Variants in ABCA4 observed in about 807,000 individuals in gnomAD.
ABCA4 encodes ATP binding cassette subfamily A member 4.
Under a neutral mutation model 263.7 loss-of-function variants are expected in ABCA4, and 196 were observed. The observed-to-expected ratio is 0.74, with a 90% confidence interval of 0.66 to 0.84. ABCA4 has a LOEUF of 0.84. ABCA4 is among the 40% of genes least tolerant of loss of function. ABCA4 has a pLI of 0.00. For synonymous variants in ABCA4, 1,133 were observed against 1,094.2 expected (o/e 1.04, Z -0.70); for missense variants, 2,792 against 2,855.1 (o/e 0.98, Z 0.50).
At chr1:94,103,466 C>T (rs999229237) in intron 4 of ABCA4, among the ~76,000 whole-genome samples, 10 of 152,212 alleles carry the variant, frequency 6.6e-5, no homozygotes, top group African/African-American at 1.9e-4. Context: ...AGGGGAATTT[C>T]ATCCTCCTGG....
intron 20 of ABCA4, among the ~76,000 whole-genome samples, chr1:94,044,368 A>G (rs1018690141): frequency 6.6e-6 from 1 of 152,192 alleles, no homozygotes; most frequent in African/African-American, 2.4e-5. Flanking sequence ...GTCAGAGCGA[A>G]GGCAGCCTCA....
At position 94,014,797 on chromosome 1, in the gene ABCA4, A is replaced by G. The variant is rs1051242679; in HGVS notation, c.5313-107T>C. On this transcript the variant is annotated intron_variant, in intron 37 of 49. Coordinates refer to ENST00000370225, the MANE Select transcript of ABCA4 (RefSeq NM_000350.3). ...CTTACACCTGAGGTGATGTGTGTGA[A>G]CTGGCCAGAGTCCCAGGGGACCAGA... 9.0e-6 allele frequency: 13 copies of G among 1,442,200 alleles called. No homozygotes were observed. In the Admixed American group the frequency reaches 1.2e-4, roughly 13 times the overall value. 89.3% of individuals were successfully genotyped at this position (1,442,200 alleles called of 1,614,324 possible). A position where few individuals can be genotyped will look rare whatever the true frequency, so the allele number is the denominator to read the frequency against.
chr1:94,036,506 A>G (rs936398574), intron 26 of ABCA4, among the ~76,000 whole-genome samples: 1 of 151,622 alleles, frequency 6.6e-6, no homozygotes, highest in Non-Finnish European at 1.5e-5. Context: ...CCTCCCGAGT[A>G]GCTGGAATTA....
At chr1:94,069,089 C>T (rs1445039316) in intron 11 of ABCA4, among the ~76,000 whole-genome samples, 1 of 152,172 alleles carries the variant, frequency 6.6e-6, no homozygotes, top group Non-Finnish European at 1.5e-5. Flanking sequence ...TTCACCCTGG[C>T]GGAAGAGGTT....
At chr1:94,044,089 C>CCTCG (rs1660601443) in intron 20 of ABCA4, among the ~76,000 whole-genome samples, 1 of 30,118 alleles carries the variant, frequency 3.3e-5, no homozygotes, top group African/African-American at 6.0e-5. Context: ...TCCCTCCCTC[C>CCTCG]CTTCTTTCCT....
At chr1:94,030,300 C>A in intron 29 of ABCA4, 128 bp downstream of exon 29, 1 of 815,830 alleles carries the variant, frequency 1.2e-6, no homozygotes, top group South Asian at 1.4e-5. Flanking sequence ...GAGTGCTGGT[C>A]AGAGACATGG....
At chr1:94,093,572 G>A (rs1434646679) in intron 6 of ABCA4, among the ~76,000 whole-genome samples, 1 of 152,212 alleles carries the variant, frequency 6.6e-6, no homozygotes, top group African/African-American at 2.4e-5. Context: ...ATCCTCAATG[G>A]CAGCCTTCCC....
Position 93,998,905 on chromosome 1 carries a change from A to ATT in ABCA4, c.6480-797_6480-796dup, listed in dbSNP as rs11370620. On this transcript the variant is annotated intron_variant, in intron 47 of 49. Transcript: ENST00000370225. ...AGGCACCTGCCACCACACTCGGCTAATTTTTTTTTTTTTTTTTGTATTTTT... is the reference window on the plus strand; with the variant it reads ...AGGCACCTGCCACCACACTCGGCTAATTTTTTTTTTTTTTTTTTTGTATTTTT... Among the ~76,000 whole-genome samples, 194 of 135,790 alleles carry ATT rather than the reference A, an allele frequency of 1.4e-3. 1 individual carries two copies. Among genetic ancestry groups the ATT allele is most frequent in the African/African-American group, 3.0e-3 (109 of 36,816 alleles). The allele number at this position is 135,790 out of a possible 152,430, so 89.1% of individuals were successfully genotyped here.
rs780240613 is a variant in ABCA4, at chr1:94,077,771, A to G, written c.1473T>C (p.Ala491=). 3 of 1,614,224 alleles carry G rather than the reference A, an allele frequency of 1.9e-6. No homozygotes were observed. The highest frequency in any genetic ancestry group is 2.5e-6 in the Non-Finnish European group (3 of 1,180,048). Residue 491 remains alanine (A), a synonymous_variant, in exon 11 of 50, where the codon GCT becomes GCC. Transcript: ENST00000370225. The part of the protein sequence containing the change: ...FLYKGPRESQ[A]DDMANFDWRD... ...TCCAGTCGAAGTTGGCCATGTCGTCAGCCTGGCTTTCCCGAGGGCCCTTGT... is the reference window on the plus strand; with the variant it reads ...TCCAGTCGAAGTTGGCCATGTCGTCGGCCTGGCTTTCCCGAGGGCCCTTGT...
At chr1:94,092,721 A>G (rs1662002059) in intron 6 of ABCA4, among the ~76,000 whole-genome samples, 3 of 152,272 alleles carry the variant, frequency 2.0e-5, no homozygotes, top group Admixed American at 6.5e-5. Flanking sequence ...TGTCCGTCCC[A>G]GTATCTGTGG....
At chr1:94,003,703 A>T (rs1002600370) in intron 44 of ABCA4, among the ~76,000 whole-genome samples, 1 of 152,136 alleles carries the variant, frequency 6.6e-6, no homozygotes, top group Non-Finnish European at 1.5e-5. Flanking sequence ...GCTTGATCAC[A>T]GCTCACTGCA....
rs1291006472 is a variant in ABCA4 at position 94,001,087 on chromosome 1, T to A, written c.6301A>T (p.Met2101Leu). ...AGCATGCGGCGTGCCTGGGGGTCCA[T>A]CCCTGTGGTGGGCTCATCCTGGGGG... ...LVLLDEPTTG[M>L]DPQARRMLWN... is the part of the protein sequence containing the mutation. Residue 2101 changes from methionine (M) to leucine (L), a missense_variant, in exon 46 of 50, where the codon ATG becomes TTG. Transcript: ENST00000370225. The A allele has an allele frequency of 1.9e-5, 30 of 1,613,826 alleles. No homozygotes were observed. Among genetic ancestry groups the A allele is most frequent in the Non-Finnish European group, 2.5e-5 (29 of 1,180,006 alleles).
At chr1:94,021,114 T>C in intron 35 of ABCA4, 126 bp downstream of exon 35, 1 of 1,342,740 alleles carries the variant, frequency 7.4e-7, no homozygotes, top group Non-Finnish European at 1.1e-6. Flanking sequence ...CGGATGTTCA[T>C]ATGTGCCTGA....
Position 94,079,465 on chromosome 1 carries a change from C to T in ABCA4, c.1100-4G>A. On this transcript the variant is annotated splice_region_variant and splice_polypyrimidine_tract_variant and intron_variant, in intron 8 of 49. Coordinates refer to ENST00000370225, the MANE Select transcript of ABCA4 (RefSeq NM_000350.3). ...ATCAATGCATTACAAAAGGATGCTG[C>T]CAGGAGACAAGGGACAGATTTTACA... is the stretch of plus-strand genomic sequence containing the variant. 6.2e-7 allele frequency: 1 copy of T among 1,614,180 alleles called. No individual in the cohort carries two copies. The highest frequency in any genetic ancestry group is 8.5e-7 in the Non-Finnish European group (1 of 1,180,014).
At chr1:94,080,777 G>T (rs925588838) in intron 7 of ABCA4, 59 bp from the exon 8 acceptor site, 22 of 1,609,260 alleles carry the variant, frequency 1.4e-5, no homozygotes, top group Non-Finnish European at 1.8e-5. Context: ...AATCTGCTGT[G>T]AGGCCAATGC....
chr1:94,031,174 G>T (rs1028650872), intron 27 of ABCA4, 54 bp from the exon 28 acceptor site: 2 of 1,606,650 alleles, frequency 1.2e-6, no homozygotes, highest in East Asian at 2.2e-5. Flanking sequence ...GATGTCACAC[G>T]TGCGCGTGCA....
chr1:93,992,980 C>G lies in ABCA4; in HGVS notation c.*257G>C. 1.8e-6 allele frequency: 1 copy of G among 551,836 alleles called. No individual in the cohort carries two copies. The highest frequency in any genetic ancestry group is 3.1e-5 in the Admixed American group (1 of 32,240). The allele number at this position is 551,836 out of a possible 1,614,324, so 34.2% of individuals were successfully genotyped here. A position where few individuals can be genotyped will look rare whatever the true frequency, so the allele number is the denominator to read the frequency against. On this transcript the variant is annotated 3_prime_UTR_variant, in exon 50 of 50. Transcript: ENST00000370225. ...CTGCTAGTGGGATGGCCCGGGGTTT[C>G]TAGTTCTGGGGTCTGGAGAAGGATT...
At chr1:94,014,324 G>A (rs1030780159) in intron 38 of ABCA4, among the ~76,000 whole-genome samples, 5 of 148,708 alleles carry the variant, frequency 3.4e-5, no homozygotes. Context: ...AAGGAGGGAC[G>A]GGGGAAGGAG....
chr1:94,010,484 T>C, intron 40 of ABCA4: 1 of 436,502 alleles, frequency 2.3e-6, no homozygotes, highest in Non-Finnish European at 4.3e-6. Context: ...GGATACCCTG[T>C]AACCATTGTT....
Sources: gnomAD v4.1 joint callset for allele counts (sites outside exome capture counted in the v4.1 genomes callset) on GRCh38, gnomAD v4.1.1 for gene constraint, MANE v1.5 for transcripts, NCBI Gene and HGNC (gene_info 2026-07-23, HGNC 2026-07-21) for gene names.